The following CTNNA2 variants were observed in gnomAD, a reference collection of about 807,000 sequenced individuals.
CTNNA2 encodes the protein catenin alpha-2.
Under a neutral mutation model 101.0 loss-of-function variants are expected in CTNNA2, and 42 were observed. The observed-to-expected ratio is 0.42, with a 90% CI of 0.32 to 0.54. The LOEUF is 0.54. CTNNA2 is among the 20% of genes least tolerant of loss of function. CTNNA2 has a pLI of 0.14. For synonymous variants in CTNNA2, 450 were observed against 456.4 expected, an observed-to-expected ratio of 0.99 and a Z score of 0.18; for missense variants, 871 against 1,223.1, an observed-to-expected ratio of 0.71 and a Z score of 4.29.
At chr2:80,563,595 C>T (rs923689781) in intron 12 of CTNNA2, among the ~76,000 whole-genome samples, 5 of 152,096 alleles carry the variant, frequency 3.3e-5, no homozygotes, top group African/African-American at 1.2e-4. Context: ...AGAGTGGTCT[C>T]CAACTCCTAG....
At position 79,818,821 on chromosome 2, in the gene CTNNA2, T is replaced by TTTTATA. The variant is rs1553373413; in HGVS notation, c.299-39191_299-39190insTTATAT. Among the ~76,000 whole-genome samples, 379 of 74,152 alleles carry TTTTATA rather than the reference T, an allele frequency of 5.1e-3. 26 individuals are homozygous for TTTTATA. Among genetic ancestry groups the TTTTATA allele is most frequent in the East Asian group, 0.013 (19 of 1,456 alleles). 48.6% of individuals were successfully genotyped at this position (74,152 alleles called of 152,430 possible). A position where few individuals can be genotyped will look rare whatever the true frequency, so the allele number is the denominator to read the frequency against. ...ATATACTTCAGGATCCAAAATGCAA[T>TTTTATA]TATATATATATATATATATATATAT... On this transcript the variant is annotated intron_variant, in intron 3 of 18. Coordinates refer to ENST00000402739, the MANE Select transcript of CTNNA2 (RefSeq NM_001282597.3).
intron 3 of CTNNA2, among the ~76,000 whole-genome samples, chr2:79,818,376 G>C (rs1284825624): frequency 1.3e-5 from 2 of 152,020 alleles, no homozygotes; most frequent in Non-Finnish European, 2.9e-5. Flanking sequence ...GCAGTGTTGT[G>C]ATCGTGGCTC....
rs1021509025 is a variant in CTNNA2, at chr2:79,565,488, G to A, written c.-6+52281G>A. Among the ~76,000 whole-genome samples, 5 of 152,232 alleles carry A rather than the reference G, an allele frequency of 3.3e-5. No homozygotes were observed. In the South Asian group the frequency reaches 1.0e-3, roughly 32 times the overall value. On this transcript the variant is annotated intron_variant, in intron 1 of 18. Coordinates refer to ENST00000402739, the MANE Select transcript of CTNNA2 (RefSeq NM_001282597.3). ...TGGCTGTCTCAGTGAGAGCATGTCTGGGCAGGAAGAAGACTTAGAAAGTTG... is the reference window on the plus strand; with the variant it reads ...TGGCTGTCTCAGTGAGAGCATGTCTAGGCAGGAAGAAGACTTAGAAAGTTG...
intron 7 of CTNNA2, among the ~76,000 whole-genome samples, chr2:80,227,822 A>G (rs1708972951): frequency 6.6e-6 from 1 of 152,120 alleles, no homozygotes; most frequent in South Asian, 2.1e-4. Flanking sequence ...CTGATGTATA[A>G]AGACAAAATT....
At chr2:79,658,371 A>G (rs1681769913) in intron 2 of CTNNA2, among the ~76,000 whole-genome samples, 1 of 152,010 alleles carries the variant, frequency 6.6e-6, no homozygotes, top group African/African-American at 2.4e-5. Context: ...AGAAATGCCT[A>G]ATGGTATGCT....
rs57535538 is a variant in CTNNA2 at position 79,505,521 on chromosome 2, G to T, written c.-6+339G>T. Among the ~76,000 whole-genome samples the T allele has an allele frequency of 2.2e-3, 329 of 152,280 alleles. 3 individuals carry two copies. Among genetic ancestry groups the T allele is most frequent in the African/African-American group, 7.6e-3 (316 of 41,560 alleles). ...GAATCCATTAAAAACTTCTGTTTTT[G>T]TTCCATGCTCCCAAACTCCATAATA... On this transcript the variant is annotated intron_variant, in intron 5 of 21. Transcript: ENST00000466387.
chr2:79,813,515 T>A (rs1025612231), intron 3 of CTNNA2, among the ~76,000 whole-genome samples: 1 of 152,198 alleles, frequency 6.6e-6, no homozygotes, highest in African/African-American at 2.4e-5. Flanking sequence ...AATGGTGGCA[T>A]CATTTACTGA....
chr2:80,095,370 A>G lies in CTNNA2; in HGVS notation c.1056+185573A>G, dbSNP rs549781946. Among the ~76,000 whole-genome samples, 9 of 152,300 alleles carry G rather than the reference A, an allele frequency of 5.9e-5. No homozygotes were observed. In the East Asian group the frequency reaches 1.7e-3, roughly 29 times the overall value. ...GATGAAGCCCACTTGATCATGGTGG[A>G]TAAGCTTTTTGATGTGCTGCTGGAT... is the stretch of plus-strand genomic sequence containing the variant. On this transcript the variant is annotated intron_variant, in intron 7 of 18. Transcript: ENST00000402739.
chr2:80,640,577 A>G (rs1207499189), intron 18 of CTNNA2, among the ~76,000 whole-genome samples: 1 of 152,198 alleles, frequency 6.6e-6, no homozygotes, highest in Admixed American at 6.5e-5. Context: ...TGTTATTGAT[A>G]TAGACTCTGG....
In CTNNA2 at chr2:79,634,256, C is replaced by G. The variant is rs77825009; in HGVS notation, c.-5-17296C>G. On this transcript the variant is annotated intron_variant, in intron 1 of 18. Coordinates refer to ENST00000402739, the MANE Select transcript of CTNNA2 (RefSeq NM_001282597.3). Reference sequence around the variant, plus strand: ...ACCTTATGCTTATCAGTAGGGATGGCTCTGACTCAAGTTCTGATTTTTTTT... The same window carrying G: ...ACCTTATGCTTATCAGTAGGGATGGGTCTGACTCAAGTTCTGATTTTTTTT... Among the ~76,000 whole-genome samples the G allele has an allele frequency of 7.1e-3, 1,084 of 152,284 alleles. 23 individuals are homozygous for G. Among genetic ancestry groups the G allele is most frequent in the African/African-American group, 0.024 (992 of 41,558 alleles).
At chr2:79,461,613 G>T (rs1226066479) in intron 4 of CTNNA2, among the ~76,000 whole-genome samples, 1 of 152,002 alleles carries the variant, frequency 6.6e-6, no homozygotes, top group Non-Finnish European at 1.5e-5. Context: ...AGCTGGGCAG[G>T]CACCCAGGCC....
At chr2:79,401,560 T>G (rs1678290484) in intron 4 of CTNNA2, among the ~76,000 whole-genome samples, 2 of 151,546 alleles carry the variant, frequency 1.3e-5, no homozygotes, top group African/African-American at 4.8e-5. Context: ...TTAAATTAGA[T>G]GTTAATTATA....
At chr2:79,789,211 G>C (rs1675080439) in intron 3 of CTNNA2, among the ~76,000 whole-genome samples, 1 of 152,158 alleles carries the variant, frequency 6.6e-6, no homozygotes, top group Non-Finnish European at 1.5e-5. Flanking sequence ...AGAGGAGCTA[G>C]CCCTTGAAAT....
chr2:79,709,546 A>G (rs1442477540), intron 2 of CTNNA2, among the ~76,000 whole-genome samples: 3 of 152,120 alleles, frequency 2.0e-5, no homozygotes, highest in African/African-American at 4.8e-5. Flanking sequence ...AACAAAGCCA[A>G]TTTTGGCTGT....
At chr2:80,278,105 C>CA (rs1674070765) in intron 7 of CTNNA2, among the ~76,000 whole-genome samples, 2 of 152,038 alleles carry the variant, frequency 1.3e-5, no homozygotes, top group Non-Finnish European at 2.9e-5. Context: ...CTTTGAAACT[C>CA]AGTTTCCTCT....
At chr2:80,058,540 A>G (rs1286495296) in intron 7 of CTNNA2, among the ~76,000 whole-genome samples, 1 of 152,234 alleles carries the variant, frequency 6.6e-6, no homozygotes, top group African/African-American at 2.4e-5. Flanking sequence ...GAAGGAGTCC[A>G]TAGGCCTGCC....
intron 2 of CTNNA2, among the ~76,000 whole-genome samples, chr2:79,711,432 C>T (rs1034333189): frequency 1.3e-5 from 2 of 152,136 alleles, no homozygotes; most frequent in Non-Finnish European, 2.9e-5. Flanking sequence ...CTCTCTTTCT[C>T]CTCTGCCCAA....
intron 7 of CTNNA2, among the ~76,000 whole-genome samples, chr2:80,333,095 A>G (rs994872890): frequency 6.6e-6 from 1 of 152,182 alleles, no homozygotes; most frequent in Admixed American, 6.5e-5. Context: ...CTTGCAACAG[A>G]GACTGCAGAG....
chr2:80,484,271 T>A (rs1686375535), intron 9 of CTNNA2, among the ~76,000 whole-genome samples: 6 of 152,154 alleles, frequency 3.9e-5, no homozygotes, highest in Admixed American at 3.3e-4. Flanking sequence ...CACGTACCTA[T>A]GATAATCCAG....
Sources: allele counts gnomAD v4.1 joint callset (sites outside exome capture counted in the v4.1 genomes callset), GRCh38; gene constraint gnomAD v4.1.1; transcripts MANE v1.5; gene names NCBI Gene and HGNC (gene_info 2026-07-23, HGNC 2026-07-21).